The following PPP3R1 variants were observed in gnomAD, a reference collection of about 807,000 sequenced individuals.
PPP3R1 encodes calcineurin subunit B type 1.
A neutral mutation model predicts 22.6 loss-of-function variants in PPP3R1; 5 were observed. That is an observed-to-expected ratio of 0.22 (90% CI 0.12 to 0.46). PPP3R1 has a LOEUF of 0.46. Among genes scored for constraint, PPP3R1 ranks in the 20% least tolerant of loss-of-function variants. The pLI is 0.99. For synonymous variants in PPP3R1, 56 were observed against 65.2 expected (o/e 0.86, Z 0.68); for missense variants, 61 against 203.2 (o/e 0.30, Z 4.25).
chr2:68,198,211 CAT>C (rs759111713), intron 2 of PPP3R1, among the ~76,000 whole-genome samples: 2 of 135,620 alleles, frequency 1.5e-5, no homozygotes, highest in South Asian at 2.4e-4. Context: ...TATGTGCATA[CAT>C]ATATACATTT....
At chr2:68,249,976 T>G (rs925861716) in intron 1 of PPP3R1, among the ~76,000 whole-genome samples, 1 of 152,182 alleles carries the variant, frequency 6.6e-6, no homozygotes, top group African/African-American at 2.4e-5. Context: ...ACCAGATCAC[T>G]CCAAAGCCTG....
intron 2 of PPP3R1, among the ~76,000 whole-genome samples, chr2:68,191,015 A>ATGCAG (rs1159666662): frequency 6.6e-6 from 1 of 152,132 alleles, no homozygotes; most frequent in Admixed American, 6.5e-5. Context: ...TGAATGGTCT[A>ATGCAG]CTCTATCCAT....
Position 68,188,705 on chromosome 2 carries a change from A to G in PPP3R1, c.44-15T>C. 6.4e-7 allele frequency: 1 copy of G among 1,558,056 alleles called. No homozygotes were observed. The highest frequency in any genetic ancestry group is 8.6e-7 in the Non-Finnish European group (1 of 1,156,942). Reference sequence around the variant, plus strand: ...ATCCGCATCAACTAAAAGCAAACAAAAAAGGAAGCAAGAATTTTTTAAAAA... The same window carrying G: ...ATCCGCATCAACTAAAAGCAAACAAGAAAGGAAGCAAGAATTTTTTAAAAA... On this transcript the variant is annotated splice_polypyrimidine_tract_variant and intron_variant, in intron 2 of 5. Transcript: ENST00000234310.
intron 5 of PPP3R1, among the ~76,000 whole-genome samples, chr2:68,182,083 CCCCA>C (rs1674421796): frequency 1.7e-5 from 2 of 117,604 alleles, no homozygotes; most frequent in South Asian, 4.1e-4. Context: ...CCCCCCCTCC[CCCCA>C]CCACACACAC....
chr2:68,232,690 T>G (rs1669942287), intron 1 of PPP3R1, among the ~76,000 whole-genome samples: 1 of 152,022 alleles, frequency 6.6e-6, no homozygotes, highest in Admixed American at 6.6e-5. Flanking sequence ...CACTGCAATC[T>G]CCACCTCACA....
Position 68,179,315 on chromosome 2 carries a change from T to C in PPP3R1, c.*1648A>G, listed in dbSNP as rs1472957357. The C allele has an allele frequency of 1.3e-5, 2 of 152,624 alleles. No individual in the cohort carries two copies. Among genetic ancestry groups the C allele is most frequent in the African/African-American group, 2.4e-5 (1 of 41,432 alleles). 9.5% of individuals were successfully genotyped at this position (152,624 alleles called of 1,614,324 possible). ...GTCTGAACATTAACATTTCCAAAGTTTGGCAACATTATCTTTTAAAATTAT... is the reference window on the plus strand; with the variant it reads ...GTCTGAACATTAACATTTCCAAAGTCTGGCAACATTATCTTTTAAAATTAT... On this transcript the variant is annotated 3_prime_UTR_variant, in exon 6 of 6. Transcript: ENST00000234310.
At chr2:68,202,834 G>A (rs777757958) in intron 2 of PPP3R1, among the ~76,000 whole-genome samples, 3 of 108,168 alleles carry the variant, frequency 2.8e-5, no homozygotes, top group African/African-American at 8.4e-5. Flanking sequence ...ACGGAGTCTC[G>A]CTCTGTCGCC....
At chr2:68,241,793 G>A (rs1003209178) in intron 1 of PPP3R1, among the ~76,000 whole-genome samples, 1 of 148,708 alleles carries the variant, frequency 6.7e-6, no homozygotes, top group Non-Finnish European at 1.5e-5. Context: ...GCAGTGAACC[G>A]AGATTGCACC....
At chr2:68,192,798 G>A (rs566034006) in intron 2 of PPP3R1, among the ~76,000 whole-genome samples, 19 of 152,092 alleles carry the variant, frequency 1.2e-4, no homozygotes, top group African/African-American at 4.6e-4. Flanking sequence ...TAAAGTCCTC[G>A]GCAATACTTA....
intron 2 of PPP3R1, among the ~76,000 whole-genome samples, chr2:68,197,442 C>T (rs535903156): frequency 1.1e-4 from 17 of 152,088 alleles, no homozygotes; most frequent in East Asian, 7.7e-4. Context: ...TGTTGACAGA[C>T]ATTCCTGTAA....
At chr2:68,203,465 G>C (rs1558632792) in intron 2 of PPP3R1, among the ~76,000 whole-genome samples, 1 of 152,082 alleles carries the variant, frequency 6.6e-6, no homozygotes, top group African/African-American at 2.4e-5. Context: ...ACCAGGTGTG[G>C]TGGCACATGC....
chr2:68,198,384 CAT>C (rs1308405771), intron 2 of PPP3R1, among the ~76,000 whole-genome samples: 18 of 101,290 alleles, frequency 1.8e-4, no homozygotes, highest in East Asian at 1.7e-3. Flanking sequence ...CATGTATATG[CAT>C]ATATATGTAT....
intron 1 of PPP3R1, among the ~76,000 whole-genome samples, chr2:68,230,510 AACC>A (rs1330171334): frequency 2.0e-5 from 3 of 152,280 alleles, no homozygotes; most frequent in Admixed American, 1.3e-4. Flanking sequence ...ATACCTTTAG[AACC>A]ACATCAGTAT....
intron 1 of PPP3R1, among the ~76,000 whole-genome samples, chr2:68,240,331 G>C (rs1670096852): frequency 6.6e-6 from 1 of 152,134 alleles, no homozygotes; most frequent in Admixed American, 6.5e-5. Context: ...GCTTGTTGGA[G>C]TTCTTAGATC....
intron 2 of PPP3R1, among the ~76,000 whole-genome samples, chr2:68,212,970 T>C (rs1361789315): frequency 6.6e-6 from 1 of 152,222 alleles, no homozygotes; most frequent in African/African-American, 2.4e-5. Flanking sequence ...TCCACTAGCT[T>C]CAAACTTTTC....
At chr2:68,246,872 C>T (rs1293753910) in intron 1 of PPP3R1, among the ~76,000 whole-genome samples, 3 of 152,178 alleles carry the variant, frequency 2.0e-5, no homozygotes, top group Admixed American at 2.0e-4. Flanking sequence ...AATGCAAGCC[C>T]CAGATGTCTC....
chr2:68,197,050 A>G (rs989295314), intron 2 of PPP3R1, among the ~76,000 whole-genome samples: 1 of 152,200 alleles, frequency 6.6e-6, no homozygotes, highest in African/African-American at 2.4e-5. Flanking sequence ...AATTTAAGCC[A>G]ACTTTGAGGA....
intron 1 of PPP3R1, among the ~76,000 whole-genome samples, chr2:68,235,496 G>A (rs375114843): frequency 5.9e-5 from 9 of 152,084 alleles, no homozygotes; most frequent in Non-Finnish European, 1.0e-4. Context: ...CTACTTAGTC[G>A]AGTATTTTCA....
At chr2:68,236,484 G>C (rs539815288) in intron 1 of PPP3R1, among the ~76,000 whole-genome samples, 2 of 152,160 alleles carry the variant, frequency 1.3e-5, no homozygotes, top group South Asian at 4.1e-4. Flanking sequence ...TGCTCCGCTT[G>C]AAAGAGCTTC....
Sources: gnomAD v4.1 joint callset for allele counts (sites outside exome capture counted in the v4.1 genomes callset) on GRCh38, gnomAD v4.1.1 for gene constraint, MANE v1.5 for transcripts, NCBI Gene and HGNC (gene_info 2026-07-23, HGNC 2026-07-21) for gene names.